NEK11: variants seen among roughly 807,000 people sequenced by gnomAD.
NEK11 encodes the protein serine/threonine-protein kinase Nek11.
In NEK11, 72 loss-of-function variants were observed where a neutral mutation model predicts 80.7. That is an observed-to-expected ratio of 0.89 (90% CI 0.74 to 1.08). The LOEUF (loss-of-function observed/expected upper bound fraction) is 1.08, where lower values mean the gene tolerates loss of function less well. Ranked by LOEUF, NEK11 falls within the 50% of genes least tolerant of loss-of-function variation. NEK11 has a pLI of 0.00. For synonymous variants in NEK11, 251 were observed against 260.7 expected (o/e 0.96, Z 0.36); for missense variants, 764 against 763.6 (o/e 1.00, Z -0.01).
chr3:131,262,337 A>AT (rs2095941409), intron 16 of NEK11, among the ~76,000 whole-genome samples: 1 of 152,170 alleles, frequency 6.6e-6, no homozygotes, highest in South Asian at 2.1e-4. Context: ...CCTGGGCAAC[A>AT]TAGCAAGAGT....
rs184531960 is a variant in NEK11 at position 131,056,035 on chromosome 3, G to C, written c.171-24388G>C. Among the ~76,000 whole-genome samples, 201 of 152,274 alleles carry C rather than the reference G, an allele frequency of 1.3e-3. 1 individual carries two copies. The highest frequency in any genetic ancestry group is 3.4e-3 in the Middle Eastern group (1 of 294). ...TGTGTTAATCAGTTCCCTTTTTCTGGAGAGTTGGAACCATTTTACAGGGGA... is the reference window on the plus strand; with the variant it reads ...TGTGTTAATCAGTTCCCTTTTTCTGCAGAGTTGGAACCATTTTACAGGGGA... On this transcript the variant is annotated intron_variant, in intron 3 of 17. Transcript: ENST00000383366.
At chr3:131,230,098 AATAC>A (rs377439351) in intron 15 of NEK11, among the ~76,000 whole-genome samples, 5 of 152,288 alleles carry the variant, frequency 3.3e-5, no homozygotes, top group African/African-American at 1.2e-4. Context: ...TGATATGCAA[AATAC>A]ATACAGTGCT....
intron 3 of NEK11, among the ~76,000 whole-genome samples, chr3:131,033,165 A>G (rs903047): frequency 0.91 from 138,387 of 152,138 alleles, 63,471 homozygotes; most frequent in Non-Finnish European, 0.95. Context: ...TTTAATGCAT[A>G]TATGAGGCAG....
chr3:131,333,289 C>T (rs1453525135), intron 17 of NEK11, among the ~76,000 whole-genome samples: 2 of 151,996 alleles, frequency 1.3e-5, no homozygotes, highest in Non-Finnish European at 2.9e-5. Context: ...CTCTACAAGC[C>T]AGAAGAGAGT....
At chr3:131,132,926 A>G in intron 6 of NEK11, 117 bp downstream of exon 6, 1 of 545,482 alleles carries the variant, frequency 1.8e-6, no homozygotes, top group South Asian at 2.4e-5. Flanking sequence ...GGTTTGTTTA[A>G]ATTTCTCAAA....
chr3:131,134,660 A>G (rs1192181953), intron 7 of NEK11, among the ~76,000 whole-genome samples: 1 of 152,104 alleles, frequency 6.6e-6, no homozygotes, highest in Non-Finnish European at 1.5e-5. Context: ...CAGCCTCCCA[A>G]AGTGCTGGGA....
intron 14 of NEK11, among the ~76,000 whole-genome samples, chr3:131,191,198 T>C (rs2093780823): frequency 6.6e-6 from 1 of 152,176 alleles, no homozygotes; most frequent in Non-Finnish European, 1.5e-5. Flanking sequence ...TCATTGCCGC[T>C]ATAACAAATA....
chr3:131,122,010 A>T (rs1199825338), intron 5 of NEK11, among the ~76,000 whole-genome samples: 1 of 152,204 alleles, frequency 6.6e-6, no homozygotes, highest in Non-Finnish European at 1.5e-5. Context: ...CCCCAGTGAG[A>T]TGAACCCGGT....
chr3:131,264,681 G>T (rs1167759552), intron 16 of NEK11, among the ~76,000 whole-genome samples: 1 of 152,190 alleles, frequency 6.6e-6, no homozygotes, highest in African/African-American at 2.4e-5. Flanking sequence ...GCTTAGGATT[G>T]TCTTGGCAAT....
Position 131,029,628 on chromosome 3 carries a change from G to A in NEK11, c.-81G>A. The A allele has an allele frequency of 7.3e-7, 1 of 1,360,748 alleles. No homozygotes were observed. Among genetic ancestry groups the A allele is most frequent in the Non-Finnish European group, 1.0e-6 (1 of 972,960 alleles). The allele number at this position is 1,360,748 out of a possible 1,614,324, so 84.3% of individuals were successfully genotyped here. On this transcript the variant is annotated 5_prime_UTR_variant, in exon 3 of 18. Transcript: ENST00000383366. ...CATCTTTAAGGAACTGACCAACACT[G>A]GATGAATTTGACCATTTCTTAGGAG... is the stretch of plus-strand genomic sequence containing the variant.
chr3:131,215,258 C>T (rs2094784742), intron 14 of NEK11, among the ~76,000 whole-genome samples: 2 of 123,852 alleles, frequency 1.6e-5, no homozygotes, highest in South Asian at 2.6e-4. Context: ...GAACATCACA[C>T]ACCGGGGCCT....
Position 131,243,431 on chromosome 3 carries a change from G to T in NEK11, c.1561-5G>T. 1 of 1,611,650 alleles carries T rather than the reference G, an allele frequency of 6.2e-7. No individual in the cohort carries two copies. Among genetic ancestry groups the T allele is most frequent in the South Asian group, 1.1e-5 (1 of 90,896 alleles). ...AAAATAAACATTTCTCCCTTATTTT[G>T]ACAGGACAGTGATATCGAAGCGTTG... is the stretch of plus-strand genomic sequence containing the variant. On this transcript the variant is annotated splice_region_variant and splice_polypyrimidine_tract_variant and intron_variant, in intron 15 of 17. Coordinates refer to ENST00000383366, the MANE Select transcript of NEK11 (RefSeq NM_024800.5).
intron 5 of NEK11, among the ~76,000 whole-genome samples, chr3:131,119,267 T>G (rs1474491743): frequency 6.6e-6 from 1 of 152,218 alleles, no homozygotes; most frequent in Non-Finnish European, 1.5e-5. Flanking sequence ...AGTTTCCATG[T>G]AGTTGAGCGG....
intron 17 of NEK11, among the ~76,000 whole-genome samples, chr3:131,282,656 T>C (rs140449548): frequency 4.8e-5 from 7 of 145,756 alleles, no homozygotes; most frequent in East Asian, 1.9e-4. Context: ...CAGTCTCAGA[T>C]AGCCGGTTCA....
chr3:131,280,504 T>C (rs2096379604), intron 17 of NEK11, among the ~76,000 whole-genome samples: 1 of 152,220 alleles, frequency 6.6e-6, no homozygotes, highest in African/African-American at 2.4e-5. Context: ...TGTTTATAAA[T>C]AGACATTATA....
chr3:131,244,022 CCTAA>C (rs909284879), intron 16 of NEK11, among the ~76,000 whole-genome samples: 6 of 151,656 alleles, frequency 4.0e-5, no homozygotes, highest in African/African-American at 1.2e-4. Context: ...ATCTGAGAAG[CCTAA>C]CTGAGATACA....
chr3:131,226,347 A>G (rs1374874875), intron 14 of NEK11, among the ~76,000 whole-genome samples: 1 of 152,194 alleles, frequency 6.6e-6, no homozygotes, highest in Non-Finnish European at 1.5e-5. Flanking sequence ...CATGGCTTCT[A>G]GTCATTACAG....
At chr3:131,234,964 A>C (rs1175469412) in intron 15 of NEK11, among the ~76,000 whole-genome samples, 2 of 151,934 alleles carry the variant, frequency 1.3e-5, no homozygotes, top group Non-Finnish European at 2.9e-5. Flanking sequence ...TACATTTTTC[A>C]CCCCAATACC....
chr3:131,044,589 G>A (rs545594240), intron 3 of NEK11, among the ~76,000 whole-genome samples: 1 of 152,056 alleles, frequency 6.6e-6, no homozygotes, highest in South Asian at 2.1e-4. Context: ...AGGTATATAT[G>A]CACCCAATAC....
Sources: allele counts gnomAD v4.1 joint callset (sites outside exome capture counted in the v4.1 genomes callset), GRCh38; gene constraint gnomAD v4.1.1; transcripts MANE v1.5; gene names NCBI Gene and HGNC (gene_info 2026-07-23, HGNC 2026-07-21).